The following TRIM34 variants were observed in gnomAD, a reference collection of about 807,000 sequenced individuals.
TRIM34 encodes the protein E3 ubiquitin-protein ligase TRIM34.
A neutral mutation model predicts 38.1 loss-of-function variants in TRIM34; 41 were observed. The ratio of observed to expected loss-of-function variants is 1.08; its 90% confidence interval spans 0.84 to 1.40. The LOEUF (loss-of-function observed/expected upper bound fraction) is 1.40, where lower values mean the gene tolerates loss of function less well. TRIM34 is among the 40% of genes most tolerant of loss of function. The probability of loss-of-function intolerance (pLI) is 0.00; values close to 1 mark genes in which losing one functional copy is unlikely to be tolerated. For synonymous variants in TRIM34, 200 were observed against 202.5 expected, an observed-to-expected ratio of 0.99 and a Z score of 0.10; for missense variants, 556 against 571.4, an observed-to-expected ratio of 0.97 and a Z score of 0.27.
chr11:5,642,658 T>G, intron 6 of TRIM34, 152 bp downstream of exon 6: 2 of 1,378,384 alleles, frequency 1.5e-6, no homozygotes, highest in Non-Finnish European at 1.9e-6. Flanking sequence ...TGCATTTATA[T>G]GTAAGGAAAA....
Position 5,644,192 on chromosome 11 carries a change from T to C in TRIM34, c.*483T>C, listed in dbSNP as rs1232112984. 1.8e-5 allele frequency: 7 copies of C among 399,050 alleles called. No individual in the cohort carries two copies. The highest frequency in any genetic ancestry group is 3.1e-5 in the Non-Finnish European group (7 of 226,506). 24.7% of individuals were successfully genotyped at this position (399,050 alleles called of 1,614,324 possible). A position where few individuals can be genotyped will look rare whatever the true frequency, so the allele number is the denominator to read the frequency against. On this transcript the variant is annotated 3_prime_UTR_variant, in exon 8 of 8. Transcript: ENST00000429814. Reference sequence around the variant, plus strand: ...ATGTGTATTCAGAGTGAAGATTTTATGTCCAGAGTATTTGAGCTCAAACCT... The same window carrying C: ...ATGTGTATTCAGAGTGAAGATTTTACGTCCAGAGTATTTGAGCTCAAACCT...
upstream of TRIM34, among the ~76,000 whole-genome samples, chr11:5,623,730 T>C (rs1274366279): frequency 2.0e-5 from 3 of 152,106 alleles, no homozygotes; most frequent in Non-Finnish European, 2.9e-5. Context: ...ACTAACCTGA[T>C]AGTAATTGAC....
intron 1 of TRIM34, among the ~76,000 whole-genome samples, chr11:5,629,705 T>G (rs569013608): frequency 1.7e-4 from 26 of 152,224 alleles, no homozygotes; most frequent in African/African-American, 5.3e-4. Flanking sequence ...GTGAGGATTC[T>G]TTTGTTTTGT....
At chr11:5,629,900 G>T (rs2133918458) in intron 1 of TRIM34, among the ~76,000 whole-genome samples, 1 of 152,220 alleles carries the variant, frequency 6.6e-6, no homozygotes, top group East Asian at 1.9e-4. Context: ...TAGAGATGGG[G>T]TTTCACCTTG....
In TRIM34 at chr11:5,643,935, A is replaced by C. The variant is rs1850133537; in HGVS notation, c.*226A>C. ...GTTACCTAATCCCTCCTAAAGACAC[A>C]GCAGTATGGGTATAACATCCTTGCC... is the stretch of plus-strand genomic sequence containing the variant. On this transcript the variant is annotated 3_prime_UTR_variant, in exon 8 of 8. Transcript: ENST00000429814. 1 of 579,738 alleles carries C rather than the reference A, an allele frequency of 1.7e-6. No homozygotes were observed. Among genetic ancestry groups the C allele is most frequent in the Admixed American group, 3.6e-5 (1 of 27,534 alleles). 35.9% of individuals were successfully genotyped at this position (579,738 alleles called of 1,614,324 possible).
At chr11:5,624,325 T>G (rs1055277058), upstream of TRIM34, among the ~76,000 whole-genome samples, 2 of 152,204 alleles carry the variant, frequency 1.3e-5, no homozygotes, top group African/African-American at 4.8e-5. Context: ...TTTTACCCCT[T>G]TTAAAGATTT....
chr11:5,643,533 T>C lies in TRIM34; in HGVS notation c.1291T>C (p.Cys431Arg), dbSNP rs867745841. The C allele has an allele frequency of 6.2e-7, 1 of 1,614,222 alleles. No homozygotes were observed. The highest frequency in any genetic ancestry group is 1.3e-5 in the African/African-American group (1 of 75,054). ...VLTLSMAVPP[C>R]RVGVFLDYEA... Reference sequence around the variant, plus strand: ...GACTCTCTCCATGGCTGTGCCTCCCTGCCGTGTTGGGGTTTTCCTCGACTA... The same window carrying C: ...GACTCTCTCCATGGCTGTGCCTCCCCGCCGTGTTGGGGTTTTCCTCGACTA... The change falls in exon 8 of 8, where the codon TGC becomes CGC. Residue 431 changes from cysteine (C) to arginine (R), a missense_variant. Cys to Arg is a radical substitution (Grantham distance 180). Transcript: ENST00000429814.
chr11:5,642,768 C>G (rs747470837), intron 6 of TRIM34, 49 bp from the exon 7 acceptor site: 7 of 1,611,542 alleles, frequency 4.3e-6, no homozygotes. Context: ...GGTATCAGTG[C>G]TTACTCCTTT....
At chr11:5,625,393 T>G (rs1849163390) in intron 1 of TRIM34, among the ~76,000 whole-genome samples, 1 of 152,214 alleles carries the variant, frequency 6.6e-6, no homozygotes, top group African/African-American at 2.4e-5. Context: ...TCTCTCTTTC[T>G]CTCTCTCAAA....
rs200628102 is a variant in TRIM34, at chr11:5,634,797, T to A, written c.686T>A (p.Leu229Ter). 1 of 1,613,856 alleles carries A rather than the reference T, an allele frequency of 6.2e-7. No individual in the cohort carries two copies. Among genetic ancestry groups the A allele is most frequent in the Non-Finnish European group, 8.5e-7 (1 of 1,179,838 alleles). ...GATGAGCTAGTTCAGCAGAAGCAGT[T>A]GGTGAGAGAGCTCATCTCAGATGTG... ...AEDELVQQKQ[L>*]VRELISDVEC... Residue 229 changes from leucine to a stop codon, truncating the protein, a stop_gained, in exon 4 of 8, where the codon TTG (leucine) becomes TAG (stop). Transcript: ENST00000429814. LOFTEE classifies it high-confidence loss of function.
chr11:5,622,605 C>T (rs890958725), upstream of TRIM34, among the ~76,000 whole-genome samples: 24 of 150,342 alleles, frequency 1.6e-4, no homozygotes, highest in Admixed American at 4.7e-4. Flanking sequence ...GCGACAAGAA[C>T]GAAACTCCAT....
chr11:5,643,745 G>T lies in TRIM34; in HGVS notation c.*36G>T, dbSNP rs750196584. ...TTCTTCACCTACAACCCTTTGTCTTGACTTATCTCCTGCAACTGACTCATC... is the reference window on the plus strand; with the variant it reads ...TTCTTCACCTACAACCCTTTGTCTTTACTTATCTCCTGCAACTGACTCATC... On this transcript the variant is annotated 3_prime_UTR_variant, in exon 8 of 8. Transcript: ENST00000429814. The T allele has an allele frequency of 1.8e-5, 28 of 1,532,540 alleles. 1 individual carries two copies. The East Asian group carries it at 6.3e-4, about 35-fold the overall frequency. The allele number at this position is 1,532,540 out of a possible 1,614,324, so 94.9% of individuals were successfully genotyped here. A position where few individuals can be genotyped will look rare whatever the true frequency, so the allele number is the denominator to read the frequency against.
chr11:5,628,207 C>T (rs1283532997), intron 1 of TRIM34, among the ~76,000 whole-genome samples: 1 of 152,244 alleles, frequency 6.6e-6, no homozygotes, highest in Non-Finnish European at 1.5e-5. Flanking sequence ...AACATGAAGT[C>T]ACAGCCCGTG....
Position 5,642,454 on chromosome 11 carries a change from G to A in TRIM34, c.822G>A (p.Leu274=). ...AGCCAAAAATGGTTTCCAAGAAACT[G>A]AAGACTGTATTCCATGCTCCAGATC... The part of the protein sequence containing the change: ...LKKPKMVSKK[L]KTVFHAPDLS... Residue 274 remains leucine (L), a synonymous_variant, in exon 6 of 8, where the codon CTG becomes CTA. Coordinates refer to ENST00000429814, the MANE Select transcript of TRIM34 (RefSeq NM_021616.6). The A allele has an allele frequency of 6.2e-7, 1 of 1,613,952 alleles. No individual in the cohort carries two copies. The highest frequency in any genetic ancestry group is 8.5e-7 in the Non-Finnish European group (1 of 1,180,000).
upstream of TRIM34, among the ~76,000 whole-genome samples, chr11:5,622,805 A>G (rs1849039980): frequency 1.3e-5 from 2 of 152,210 alleles, 1 homozygote; most frequent in South Asian, 4.1e-4. Context: ...GAAAACTCTC[A>G]ATCAATTTAG....
chr11:5,637,171 TA>T (rs564107745), intron 4 of TRIM34, among the ~76,000 whole-genome samples: 9 of 148,980 alleles, frequency 6.0e-5, no homozygotes, highest in East Asian at 5.9e-4. Context: ...AGACTCAGTC[TA>T]AAAAAAAAAG....
chr11:5,632,757 A>G lies in TRIM34; in HGVS notation c.423+3A>G. ...AGGAAGTATTCAAGGAATGTCAGGT[A>G]GGGCCCTAGATGGAGGGAGATGGGG... On this transcript the variant is annotated splice_donor_region_variant and intron_variant, in intron 2 of 7. Coordinates refer to ENST00000429814, the MANE Select transcript of TRIM34 (RefSeq NM_021616.6). 1 of 1,550,176 alleles carries G rather than the reference A, an allele frequency of 6.5e-7. No homozygotes were observed. Among genetic ancestry groups the G allele is most frequent in the South Asian group, 1.1e-5 (1 of 88,916 alleles).
At position 5,641,194 on chromosome 11, in the gene TRIM34, G is replaced by A. The variant is rs781052209; in HGVS notation, c.773+5G>A. ...CATGAGTGGAATCATGAAATGGTGC[G>A]TATGGGTGGCCAGGAGTGGTGCTTG... On this transcript the variant is annotated splice_donor_5th_base_variant and intron_variant, in intron 5 of 7. Coordinates refer to ENST00000429814, the MANE Select transcript of TRIM34 (RefSeq NM_021616.6). 46 of 1,613,354 alleles carry A rather than the reference G, an allele frequency of 2.9e-5. No individual in the cohort carries two copies. The highest frequency in any genetic ancestry group is 3.3e-4 in the Middle Eastern group (2 of 6,084).
chr11:5,641,070 T>C, intron 4 of TRIM34, 97 bp from the exon 5 acceptor site: 1 of 1,467,002 alleles, frequency 6.8e-7, no homozygotes, highest in Non-Finnish European at 9.1e-7. Flanking sequence ...AACTCACTTC[T>C]GATTTTTCCA....
Sources: allele counts gnomAD v4.1 joint callset (sites outside exome capture counted in the v4.1 genomes callset), GRCh38; gene constraint gnomAD v4.1.1; transcripts MANE v1.5; gene names NCBI Gene and HGNC (gene_info 2026-07-23, HGNC 2026-07-21).